The following SEC14L1 variants were observed in gnomAD, a reference collection of about 807,000 sequenced individuals.
The protein encoded by SEC14L1 is SEC14 like lipid binding 1, also known as SEC14-like protein 1.
In SEC14L1, 48 loss-of-function variants were observed where a neutral mutation model predicts 85.3. That is an observed-to-expected ratio of 0.56 (90% CI 0.45 to 0.72). SEC14L1 has a LOEUF of 0.72. Among genes scored for constraint, SEC14L1 ranks in the 30% least tolerant of loss-of-function variants. The pLI is 0.00. For synonymous variants in SEC14L1, 391 were observed against 355.5 expected (o/e 1.10, Z -1.12); for missense variants, 682 against 921.4 (o/e 0.74, Z 3.36).
chr17:77,118,824 C>G (rs1972235318), intron 3 of SEC14L1, among the ~76,000 whole-genome samples: 1 of 152,172 alleles, frequency 6.6e-6, no homozygotes, highest in South Asian at 2.1e-4. Flanking sequence ...GGAGCACAGG[C>G]TTTGACTGGC....
intron 14 of SEC14L1, chr17:77,211,746 T>C: frequency 1.6e-6 from 1 of 633,000 alleles, no homozygotes; most frequent in Non-Finnish European, 2.7e-6. Flanking sequence ...ACACAGAGCT[T>C]GGTGCATGAC....
intron 3 of SEC14L1, among the ~76,000 whole-genome samples, chr17:77,126,661 G>A (rs752193702): frequency 3.9e-5 from 6 of 152,194 alleles, no homozygotes; most frequent in East Asian, 3.8e-4. Flanking sequence ...CCAGGTGCAC[G>A]GGAACCTTGG....
At chr17:77,135,553 G>C (rs974328204) in intron 3 of SEC14L1, among the ~76,000 whole-genome samples, 6 of 151,198 alleles carry the variant, frequency 4.0e-5, no homozygotes, top group African/African-American at 1.5e-4. Context: ...TCGAGACAGT[G>C]TTGCTCTGTC....
intron 5 of SEC14L1, among the ~76,000 whole-genome samples, chr17:77,191,839 A>G (rs1975556950): frequency 7.3e-6 from 1 of 136,182 alleles, no homozygotes; most frequent in Non-Finnish European, 1.6e-5. Flanking sequence ...TCTTGTCACC[A>G]AGGCTGAAAT....
chr17:77,126,992 TA>T (rs1218399837), intron 3 of SEC14L1, among the ~76,000 whole-genome samples: 5 of 151,988 alleles, frequency 3.3e-5, no homozygotes, highest in African/African-American at 9.7e-5. Context: ...AATTTTTATT[TA>T]TTTTTTTTCT....
chr17:77,140,276 TCA>T (rs1972938596), upstream of SEC14L1, among the ~76,000 whole-genome samples: 3 of 152,228 alleles, frequency 2.0e-5, no homozygotes, highest in South Asian at 6.2e-4. Flanking sequence ...GGCGCGCGTC[TCA>T]GTTTCAAGCC....
chr17:77,145,410 GA>G (rs1335571760), intron 3 of SEC14L1, among the ~76,000 whole-genome samples: 1 of 152,188 alleles, frequency 6.6e-6, no homozygotes, highest in East Asian at 1.9e-4. Flanking sequence ...TCCCCCTGGT[GA>G]AGGTTCTGTG....
At chr17:77,180,056 A>T (rs1217775085) in intron 3 of SEC14L1, among the ~76,000 whole-genome samples, 6 of 58,726 alleles carry the variant, frequency 1.0e-4, no homozygotes, top group Non-Finnish European at 1.7e-4. Flanking sequence ...TTGTTATGTT[A>T]TGTTATGTTA....
chr17:77,171,073 GT>G (rs1008311138), intron 3 of SEC14L1, among the ~76,000 whole-genome samples: 1 of 152,114 alleles, frequency 6.6e-6, no homozygotes, highest in Admixed American at 6.5e-5. Flanking sequence ...TTAACCCTGA[GT>G]TTTTTCCCCC....
At chr17:77,125,225 G>A (rs1476182847) in intron 3 of SEC14L1, among the ~76,000 whole-genome samples, 2 of 151,914 alleles carry the variant, frequency 1.3e-5, no homozygotes, top group African/African-American at 4.8e-5. Context: ...TCGAACTCCT[G>A]ACCTCAAATG....
chr17:77,164,489 C>G (rs768354984), intron 3 of SEC14L1, among the ~76,000 whole-genome samples: 1 of 152,206 alleles, frequency 6.6e-6, no homozygotes, highest in Non-Finnish European at 1.5e-5. Context: ...CAGCGCTCCC[C>G]CTTTGTTGGT....
chr17:77,211,709 T>G (rs925694237), intron 14 of SEC14L1: 6 of 554,210 alleles, frequency 1.1e-5, no homozygotes, highest in Admixed American at 3.1e-5. Flanking sequence ...TGGGAGATCT[T>G]GGACCTCTAG....
In SEC14L1 at chr17:77,200,691, A is replaced by C; in HGVS notation, c.1009+18A>C. 1 of 1,602,426 alleles carries C rather than the reference A, an allele frequency of 6.2e-7. No individual in the cohort carries two copies. The highest frequency in any genetic ancestry group is 1.3e-5 in the African/African-American group (1 of 74,482). On this transcript the variant is annotated intron_variant, in intron 9 of 16. Transcript: ENST00000436233. Reference sequence around the variant, plus strand: ...CGACAAAGGTACCGGATGGAGTTGAAACTGTGTTTCCATCGTTGTCTTGAT... The same window carrying C: ...CGACAAAGGTACCGGATGGAGTTGACACTGTGTTTCCATCGTTGTCTTGAT...
chr17:77,178,970 C>T (rs902146739), intron 3 of SEC14L1, among the ~76,000 whole-genome samples: 2 of 152,188 alleles, frequency 1.3e-5, no homozygotes, highest in Admixed American at 6.5e-5. Context: ...CCCCAGGTGG[C>T]ACGGATACCT....
At chr17:77,119,420 GGA>G (rs1972247819) in intron 3 of SEC14L1, among the ~76,000 whole-genome samples, 1 of 152,068 alleles carries the variant, frequency 6.6e-6, no homozygotes, top group African/African-American at 2.4e-5. Flanking sequence ...TTCAGGGGTT[GGA>G]AGGATGTTTC....
intron 3 of SEC14L1, among the ~76,000 whole-genome samples, chr17:77,177,112 C>A (rs1405030697): frequency 6.6e-6 from 1 of 151,592 alleles, no homozygotes; most frequent in African/African-American, 2.4e-5. Context: ...CTTAATAAAT[C>A]ATCAATTTTT....
chr17:77,104,682 T>A (rs1971864620), intron 3 of SEC14L1, among the ~76,000 whole-genome samples: 1 of 149,372 alleles, frequency 6.7e-6, no homozygotes, highest in Non-Finnish European at 1.5e-5. Flanking sequence ...TCCCAGCTAC[T>A]CAGGAGGCTA....
chr17:77,172,051 G>A (rs1974543880), intron 3 of SEC14L1, among the ~76,000 whole-genome samples: 1 of 152,088 alleles, frequency 6.6e-6, no homozygotes, highest in African/African-American at 2.4e-5. Flanking sequence ...TTTAATTTCT[G>A]TTTCTTCTAA....
chr17:77,194,539 G>C (rs1258500629), intron 6 of SEC14L1, 138 bp from the exon 7 acceptor site: 29 of 659,342 alleles, frequency 4.4e-5, no homozygotes, highest in Non-Finnish European at 7.3e-5. Context: ...GCCACAAAGC[G>C]AGACCCTGTC....
Sources: allele counts gnomAD v4.1 joint callset (sites outside exome capture counted in the v4.1 genomes callset), GRCh38; gene constraint gnomAD v4.1.1; transcripts MANE v1.5; gene names NCBI Gene and HGNC (gene_info 2026-07-23, HGNC 2026-07-21).